ZNF558: variants seen among roughly 807,000 people sequenced by gnomAD.
ZNF558 encodes zinc finger protein 558.
In ZNF558, 23 loss-of-function variants were observed where a neutral mutation model predicts 37.6. The observed-to-expected ratio is 0.61, with a 90% CI of 0.44 to 0.87. The LOEUF is 0.87. Ranked by LOEUF, ZNF558 falls within the 40% of genes least tolerant of loss-of-function variation. ZNF558 has a pLI of 0.00. For missense variants in ZNF558, 429 were observed against 483.7 expected (o/e 0.89, Z 1.06); for synonymous variants, 189 against 174.4 (o/e 1.08, Z -0.66).
rs1347078206 is a variant in ZNF558 at position 8,822,116 on chromosome 19, T to C, written c.32-25A>G. ...GCTGGAGGAGGAGAAATGAGTCCCA[T>C]GGATTCAGGCTTGTCTGACACCCAC... On this transcript the variant is annotated intron_variant, in intron 5 of 9. Coordinates refer to ENST00000601372, the MANE Select transcript of ZNF558 (RefSeq NM_144693.3). This position sits in a 1 kb window ranked among gnomAD's most constrained non-coding sequence, Gnocchi z 4.4. 6.2e-7 allele frequency: 1 copy of C among 1,613,482 alleles called. No individual in the cohort carries two copies. Among genetic ancestry groups the C allele is most frequent in the Admixed American group, 1.7e-5 (1 of 59,980 alleles).
At position 8,809,527 on chromosome 19, in the gene ZNF558, T is replaced by A. The variant is rs1555766990; in HGVS notation, c.*1754A>T. 1 of 152,180 alleles carries A rather than the reference T, an allele frequency of 6.6e-6. No individual in the cohort carries two copies. The highest frequency in any genetic ancestry group is 1.5e-5 in the Non-Finnish European group (1 of 68,036). The allele number at this position is 152,180 out of a possible 1,614,324, so 9.4% of individuals were successfully genotyped here. On this transcript the variant is annotated 3_prime_UTR_variant, in exon 10 of 10. Coordinates refer to ENST00000601372, the MANE Select transcript of ZNF558 (RefSeq NM_144693.3). ...ACCAAGATAGAGAGAAAATAATCAGTATCATAAAGCTCATGTACTCTGCCA... is the reference window on the plus strand; with the variant it reads ...ACCAAGATAGAGAGAAAATAATCAGAATCATAAAGCTCATGTACTCTGCCA...
At chr19:8,836,499 CT>C (rs899808976), upstream of ZNF558, among the ~76,000 whole-genome samples, 1 of 138,560 alleles carries the variant, frequency 7.2e-6, no homozygotes. Context: ...CTTCTTTTTT[CT>C]TTTTTTTTGG....
chr19:8,815,808 A>AGG (rs1448966856), intron 7 of ZNF558, among the ~76,000 whole-genome samples: 1 of 150,302 alleles, frequency 6.7e-6, no homozygotes, highest in Non-Finnish European at 1.5e-5. Flanking sequence ...AGAGAGAGAG[A>AGG]GAGAGAGAGA....
At chr19:8,813,683 G>C (rs1277984881) in intron 7 of ZNF558, among the ~76,000 whole-genome samples, 3 of 152,110 alleles carry the variant, frequency 2.0e-5, no homozygotes, top group African/African-American at 7.2e-5. Context: ...CTTAATTCTA[G>C]TGCATATGGT....
intron 7 of ZNF558, among the ~76,000 whole-genome samples, chr19:8,820,847 A>G (rs1297720879): frequency 6.6e-6 from 1 of 152,226 alleles, no homozygotes; most frequent in Non-Finnish European, 1.5e-5. Context: ...TTGTAATTAC[A>G]TTTATATGAT....
At chr19:8,834,500 C>T (rs1004142094), upstream of ZNF558, among the ~76,000 whole-genome samples, 6 of 151,468 alleles carry the variant, frequency 4.0e-5, no homozygotes, top group Admixed American at 1.3e-4. Context: ...CCCAGCTACT[C>T]GGGAGACTGA....
At chr19:8,817,545 TTTTCA>T (rs2043969473) in intron 7 of ZNF558, among the ~76,000 whole-genome samples, 1 of 152,148 alleles carries the variant, frequency 6.6e-6, no homozygotes, top group Non-Finnish European at 1.5e-5. Context: ...ACTTTTTTTT[TTTTCA>T]TTGTTTTGCA....
At chr19:8,838,062 C>G in the ZNF558 span, among the ~76,000 whole-genome samples, 2 of 151,688 alleles carry the variant, frequency 1.3e-5, no homozygotes, top group African/African-American at 2.4e-5. Context: ...TCCTGGATAA[C>G]ATGGTGAAAC....
At chr19:8,823,399 C>T (rs1172109843) in intron 4 of ZNF558, among the ~76,000 whole-genome samples, 1 of 105,186 alleles carries the variant, frequency 9.5e-6, no homozygotes, top group Non-Finnish European at 2.0e-5. Flanking sequence ...CCTCGGTCAC[C>T]CCCATCCTGC....
rs1237527505 is a variant in ZNF558 at position 8,807,763 on chromosome 19, AATACC to A, written c.*3513_*3517del. On this transcript the variant is annotated 3_prime_UTR_variant, in exon 10 of 10. Transcript: ENST00000601372. ...ATGCTTTTTTTTCCTATAACTCTAT[AATACC>A]ATATTTTCTTGATTTTTCTATAATC... 1.3e-5 allele frequency: 2 copies of A among 152,094 alleles called. No homozygotes were observed. The highest frequency in any genetic ancestry group is 4.8e-5 in the African/African-American group (2 of 41,392). 9.4% of individuals were successfully genotyped at this position (152,094 alleles called of 1,614,324 possible). A position where few individuals can be genotyped will look rare whatever the true frequency, so the allele number is the denominator to read the frequency against.
upstream of ZNF558, among the ~76,000 whole-genome samples, chr19:8,834,645 A>G (rs1007305026): frequency 4.6e-5 from 7 of 151,886 alleles, no homozygotes; most frequent in East Asian, 3.8e-4. Flanking sequence ...AAACAAAAAA[A>G]AAACCAACCA....
At chr19:8,830,235 G>C (rs1202755501) in intron 2 of ZNF558, among the ~76,000 whole-genome samples, 1 of 152,052 alleles carries the variant, frequency 6.6e-6, no homozygotes, top group African/African-American at 2.4e-5. Flanking sequence ...GGCCTCCCCC[G>C]CCATGCAGAA....
At chr19:8,826,008 A>G (rs563565733) in intron 2 of ZNF558, among the ~76,000 whole-genome samples, 1 of 152,262 alleles carries the variant, frequency 6.6e-6, no homozygotes, top group East Asian at 1.9e-4. Flanking sequence ...ATGAGATGAG[A>G]GAAGAAGGGA....
intron 7 of ZNF558, among the ~76,000 whole-genome samples, chr19:8,819,291 T>C (rs1229150219): frequency 6.6e-6 from 1 of 152,146 alleles, no homozygotes; most frequent in East Asian, 1.9e-4. Context: ...AGTGATTCTC[T>C]TGCCTCAGCC....
chr19:8,817,254 C>G (rs918126905), intron 7 of ZNF558, among the ~76,000 whole-genome samples: 1 of 152,046 alleles, frequency 6.6e-6, no homozygotes, highest in Non-Finnish European at 1.5e-5. Context: ...CAGATGGTCC[C>G]CAGCTTACCA....
chr19:8,822,145 T>A lies in ZNF558; in HGVS notation c.32-54A>T, dbSNP rs1044567579. 21 of 1,608,404 alleles carry A rather than the reference T, an allele frequency of 1.3e-5. No homozygotes were observed. Among genetic ancestry groups the A allele is most frequent in the Non-Finnish European group, 1.7e-5 (20 of 1,176,522 alleles). On this transcript the variant is annotated intron_variant, in intron 5 of 9. Coordinates refer to ENST00000601372, the MANE Select transcript of ZNF558 (RefSeq NM_144693.3). The surrounding 1 kb of genome is among the most constrained non-coding windows in gnomAD (Gnocchi z 4.4). ...TTCAGGCTTGTCTGACACCCACAGATCTGCCCCTGATTGACCACACCCACC... is the reference window on the plus strand; with the variant it reads ...TTCAGGCTTGTCTGACACCCACAGAACTGCCCCTGATTGACCACACCCACC...
At chr19:8,817,425 T>G (rs1258457178) in intron 7 of ZNF558, among the ~76,000 whole-genome samples, 1 of 152,198 alleles carries the variant, frequency 6.6e-6, no homozygotes, top group Non-Finnish European at 1.5e-5. Context: ...TAAAATACAC[T>G]GCTATGTTAG....
At chr19:8,817,036 T>C (rs909358876) in intron 7 of ZNF558, among the ~76,000 whole-genome samples, 1 of 150,636 alleles carries the variant, frequency 6.6e-6, no homozygotes, top group Admixed American at 6.6e-5. Context: ...TAAAAAGAAA[T>C]GAGAAGGGAA....
At chr19:8,819,667 G>A (rs2044032110) in intron 7 of ZNF558, among the ~76,000 whole-genome samples, 1 of 152,208 alleles carries the variant, frequency 6.6e-6, no homozygotes. Flanking sequence ...ACTGGGAGCG[G>A]TGGCTCACAC....
Sources: gnomAD v4.1 joint callset for allele counts (sites outside exome capture counted in the v4.1 genomes callset) on GRCh38, gnomAD v4.1.1 for gene constraint, Gnocchi (gnomAD v3.1) non-coding constraint, MANE v1.5 for transcripts, NCBI Gene and HGNC (gene_info 2026-07-23, HGNC 2026-07-21) for gene names.